Variants in IQCN observed in about 807,000 individuals in gnomAD.
IQCN encodes IQ motif containing N.
IQCN carries 46 observed loss-of-function variants against 64.4 expected under a neutral mutation model. That is an observed-to-expected ratio of 0.71 (90% confidence interval 0.56 to 0.91). The LOEUF (loss-of-function observed/expected upper bound fraction) is 0.91. IQCN is among the 40% of genes least tolerant of loss of function. The pLI, the probability that IQCN is intolerant of heterozygous loss-of-function variation, is 0.00. For synonymous variants in IQCN, 733 were observed against 775.6 expected (o/e 0.95, Z 0.91); for missense variants, 1,753 against 1,857.4 (o/e 0.94, Z 1.03).
At chr19:18,258,349 G>T in intron 3 of IQCN, 1 of 693,434 alleles carries the variant, frequency 1.4e-6, no homozygotes, top group Admixed American at 2.0e-5. Context: ...CTGTGGGTGG[G>T]GTTTGCACCA....
rs751553397 is a variant in IQCN, at chr19:18,258,087, A to G, written c.3197T>C (p.Val1066Ala). The G allele has an allele frequency of 2.0e-5, 32 of 1,611,374 alleles. No individual in the cohort carries two copies. Among genetic ancestry groups the G allele is most frequent in the Non-Finnish European group, 2.5e-5 (30 of 1,179,984 alleles). The change falls in exon 4 of 4, where the codon GTG (valine) becomes GCG (alanine). Residue 1066 changes from valine to alanine, a missense_variant. By Grantham distance (64) the Val-to-Ala change is moderately conservative (BLOSUM62 0). Coordinates refer to ENST00000392413, the MANE Select transcript of IQCN (RefSeq NM_001145304.2). ...GCGGTTCCACGATTGGCCACCAACCACACCAGCGTCCGCGGGGCCCTGGAG... is the reference window on the plus strand; with the variant it reads ...GCGGTTCCACGATTGGCCACCAACCGCACCAGCGTCCGCGGGGCCCTGGAG... Reference protein sequence around the residue: ...QTSKGPADAGVVGGQSWNRAW... With the variant: ...QTSKGPADAGAVGGQSWNRAW...
At position 18,258,109 on chromosome 19, in the gene IQCN, G is replaced by A; in HGVS notation, c.3178-3C>T. The A allele has an allele frequency of 6.2e-7, 1 of 1,607,562 alleles. No homozygotes were observed. Among genetic ancestry groups the A allele is most frequent in the Non-Finnish European group, 8.5e-7 (1 of 1,179,974 alleles). On this transcript the variant is annotated splice_region_variant and splice_polypyrimidine_tract_variant and intron_variant, in intron 3 of 3. Coordinates refer to ENST00000392413, the MANE Select transcript of IQCN (RefSeq NM_001145304.2). ...ACCACACCAGCGTCCGCGGGGCCCT[G>A]GAGTATAGTGGAGTTCAGGGATGCC...
chr19:18,258,720 TG>T (rs1363350863), intron 3 of IQCN: 6 of 320,880 alleles, frequency 1.9e-5, no homozygotes, highest in African/African-American at 4.3e-5. Flanking sequence ...ACGGGCCAGC[TG>T]GGGTGATCCT....
chr19:18,267,652 C>T, intron 2 of IQCN, 126 bp from the exon 3 acceptor site: 1 of 1,215,638 alleles, frequency 8.2e-7, no homozygotes, highest in Non-Finnish European at 1.1e-6. Context: ...CTTCCGCCTC[C>T]CTTTTTCCAT....
Position 18,258,091 on chromosome 19 carries a change from C to G in IQCN, c.3193G>C (p.Gly1065Arg). Residue 1065 changes from glycine (G) to arginine (R), a missense_variant, in exon 4 of 4, where the codon GGT becomes CGT. Coordinates refer to ENST00000392413, the MANE Select transcript of IQCN (RefSeq NM_001145304.2). ...PQTSKGPADA[G>R]VVGGQSWNRA... ...TTCCACGATTGGCCACCAACCACAC[C>G]AGCGTCCGCGGGGCCCTGGAGTATA... The G allele has an allele frequency of 1.2e-6, 2 of 1,610,958 alleles. No homozygotes were observed. The highest frequency in any genetic ancestry group is 1.7e-5 in the Admixed American group (1 of 60,018).
Position 18,265,454 on chromosome 19 carries a change from G to A in IQCN, c.2086C>T (p.Leu696=). The A allele has an allele frequency of 6.2e-7, 1 of 1,614,010 alleles. No homozygotes were observed. The highest frequency in any genetic ancestry group is 8.5e-7 in the Non-Finnish European group (1 of 1,179,880). The change falls in exon 3 of 4, where the codon CTG becomes TTG. Residue 696 remains leucine (L), a synonymous_variant. Coordinates refer to ENST00000392413, the MANE Select transcript of IQCN (RefSeq NM_001145304.2). The surrounding 1 kb of genome is among the most constrained non-coding windows in gnomAD (Gnocchi z 4.7). ...GGGGTCTTGGTCAGCTCAGTGGGCA[G>A]ATGTCCCTGAGATGAGGCCTTGGTC... The part of the protein sequence containing the change: ...PLTKASSQGH[L]PTELTKTPSL...
Position 18,257,241 on chromosome 19 carries a change from G to T in IQCN, c.4043C>A (p.Ala1348Glu), listed in dbSNP as rs200583656. Residue 1348 changes from alanine (A) to glutamate (E), a missense_variant, in exon 4 of 4, where the codon GCG (alanine) becomes GAG (glutamate). Ala to Glu is a moderately radical substitution (Grantham distance 107). Transcript: ENST00000392413. The stretch of plus-strand genomic sequence containing the variant: ...CGAGGGGTCTGCTGGTCCCAAGAGC[G>T]CCTCTGTGTTCTTCAGACAGCTCCG... ...HTRSCLKNTEALLGPADPSAS... is the reference protein window; with the variant it reads ...HTRSCLKNTEELLGPADPSAS... The T allele has an allele frequency of 1.3e-5, 21 of 1,613,556 alleles. No individual in the cohort carries two copies. The East Asian group carries it at 2.7e-4, about 21-fold the overall frequency.
rs185412321 is a variant in IQCN, at chr19:18,266,015, G to A, written c.1525C>T (p.Arg509Cys). 8.7e-5 allele frequency: 141 copies of A among 1,614,126 alleles called. No homozygotes were observed. In the Middle Eastern group the frequency reaches 1.8e-3, roughly 21 times the overall value. The change falls in exon 3 of 4, where the codon CGC becomes TGC. Residue 509 changes from arginine to cysteine, a missense_variant. Transcript: ENST00000392413. This position sits in a 1 kb window ranked among gnomAD's most constrained non-coding sequence, Gnocchi z 4.3. ...GTCTTGAGGATGGTGGCCACCGAGC[G>A]TAACTGGGCTGGGGTCTTGGTTATC... ...AMITKTPAQL[R>C]SVATILKTLC...
intron 2 of IQCN, chr19:18,267,728 A>T: frequency 2.0e-6 from 1 of 490,832 alleles, no homozygotes; most frequent in East Asian, 3.2e-5. Context: ...CGGCCACTTC[A>T]TCTTGGCACA....
In IQCN at chr19:18,265,195, T is replaced by C. The variant is rs780667666; in HGVS notation, c.2345A>G (p.Asn782Ser). 9.3e-6 allele frequency: 15 copies of C among 1,610,824 alleles called. No individual in the cohort carries two copies. Among genetic ancestry groups the C allele is most frequent in the Non-Finnish European group, 1.3e-5 (15 of 1,179,926 alleles). ...QVLLTGSKVS[N>S]HACQRLGGLS... Reference sequence around the variant, plus strand: ...GCCACCGAGGCGCTGGCAGGCGTGGTTGGACACCTTGGACCCTGTTAGGAG... The same window carrying C: ...GCCACCGAGGCGCTGGCAGGCGTGGCTGGACACCTTGGACCCTGTTAGGAG... Residue 782 changes from asparagine (N) to serine (S), a missense_variant, in exon 3 of 4, where the codon AAC becomes AGC. Transcript: ENST00000392413. This position sits in a 1 kb window ranked among gnomAD's most constrained non-coding sequence, Gnocchi z 4.7.
At chr19:18,272,528 G>A (rs537174389) in intron 1 of IQCN, among the ~76,000 whole-genome samples, 4 of 152,176 alleles carry the variant, frequency 2.6e-5, no homozygotes, top group Middle Eastern at 3.2e-3. Flanking sequence ...TCCAGGGCTC[G>A]GGCAGGCTTC....
intron 1 of IQCN, among the ~76,000 whole-genome samples, chr19:18,271,212 G>A (rs1258488984): frequency 2.0e-5 from 3 of 148,512 alleles, no homozygotes; most frequent in East Asian, 2.0e-4. Context: ...GCTCACGCCT[G>A]TAATCCCAGT....
At position 18,266,677 on chromosome 19, in the gene IQCN, G is replaced by T. The variant is rs748678870; in HGVS notation, c.863C>A (p.Thr288Asn). Reference protein sequence around the residue: ...SVKTKRVSARTNKARAPETPL... With the variant: ...SVKTKRVSARNNKARAPETPL... The stretch of plus-strand genomic sequence containing the variant: ...TGTCTCCGGAGCCCTGGCTTTGTTG[G>T]TCCGGGCACTTACACGTTTGGTCTT... Residue 288 changes from threonine (T) to asparagine (N), a missense_variant, in exon 3 of 4, where the codon ACC (threonine) becomes AAC (asparagine). By Grantham distance (65) the Thr-to-Asn change is moderately conservative. Coordinates refer to ENST00000392413, the MANE Select transcript of IQCN (RefSeq NM_001145304.2). This position sits in a 1 kb window ranked among gnomAD's most constrained non-coding sequence, Gnocchi z 4.3. 1.2e-6 allele frequency: 2 copies of T among 1,614,118 alleles called. No individual in the cohort carries two copies. Among genetic ancestry groups the T allele is most frequent in the Admixed American group, 3.3e-5 (2 of 60,016 alleles).
In IQCN at chr19:18,265,615, T is replaced by A; in HGVS notation, c.1925A>T (p.Asp642Val). 6.2e-6 allele frequency: 10 copies of A among 1,613,966 alleles called. No homozygotes were observed. Among genetic ancestry groups the A allele is most frequent in the Non-Finnish European group, 8.5e-6 (10 of 1,179,982 alleles). The change falls in exon 3 of 4, where the codon GAC becomes GTC. Residue 642 changes from aspartate (D) to valine (V), a missense_variant. Physicochemically the swap from Asp to Val is radical, Grantham distance 152. Coordinates refer to ENST00000392413, the MANE Select transcript of IQCN (RefSeq NM_001145304.2). The surrounding 1 kb of genome is among the most constrained non-coding windows in gnomAD (Gnocchi z 4.7). The part of the protein sequence containing the change: ...PSWTKVAEEG[D>V]KPPHVYVPVD... ...AGGCACATACACGTGAGGTGGCTTGTCCCCTTCCTCAGCAACTTTTGTCCA... is the reference window on the plus strand; with the variant it reads ...AGGCACATACACGTGAGGTGGCTTGACCCCTTCCTCAGCAACTTTTGTCCA...
intron 2 of IQCN, among the ~76,000 whole-genome samples, chr19:18,269,027 G>A (rs1969674018): frequency 6.6e-6 from 1 of 151,872 alleles, no homozygotes; most frequent in Non-Finnish European, 1.5e-5. Context: ...CTAGTCGGGA[G>A]GCTGAGGCAG....
At chr19:18,259,685 G>A (rs570043067) in intron 3 of IQCN, 1 of 152,282 alleles carries the variant, frequency 6.6e-6, no homozygotes, top group Non-Finnish European at 1.5e-5. Context: ...AACTGGGTGG[G>A]ACCATGGATG....
At position 18,264,659 on chromosome 19, in the gene IQCN, C is replaced by A. The variant is rs1394167823; in HGVS notation, c.2881G>T (p.Ala961Ser). The A allele has an allele frequency of 7.7e-6, 12 of 1,551,246 alleles. No individual in the cohort carries two copies. The Admixed American group carries it at 2.4e-4, about 30-fold the overall frequency. The change falls in exon 3 of 4, where the codon GCG (alanine) becomes TCG (serine). Residue 961 changes from alanine (A) to serine (S), a missense_variant. Coordinates refer to ENST00000392413, the MANE Select transcript of IQCN (RefSeq NM_001145304.2). This position sits in a 1 kb window ranked among gnomAD's most constrained non-coding sequence, Gnocchi z 4.3. The stretch of plus-strand genomic sequence containing the variant: ...CCCTGCATGACCTTGGTGAGTTCCG[C>A]CCGCAGCTCGCCCCGGGACAGGGCT... ...SRALSRGELR[A>S]ELTKVMQGKL...
chr19:18,266,916 G>C lies in IQCN; in HGVS notation c.624C>G (p.Ser208=), dbSNP rs901290239. ...DNLVLCRPQS[S]PLLQPPAAQG... is the part of the protein sequence containing the mutation. The stretch of plus-strand genomic sequence containing the variant: ...GAGCTGCTGGGGGCTGCAGGAGGGG[G>C]GACGACTGGGGTCTGCAGAGGACCA... The change falls in exon 3 of 4, where the codon TCC becomes TCG. Residue 208 remains serine, a synonymous_variant. Transcript: ENST00000392413. The surrounding 1 kb of genome is among the most constrained non-coding windows in gnomAD (Gnocchi z 4.3). The C allele has an allele frequency of 3.7e-6, 6 of 1,606,824 alleles. No individual in the cohort carries two copies. Among genetic ancestry groups the C allele is most frequent in the African/African-American group, 1.3e-5 (1 of 74,740 alleles).
chr19:18,262,883 C>G (rs80214027), intron 3 of IQCN, among the ~76,000 whole-genome samples: 1,732 of 152,276 alleles, frequency 0.011, 37 homozygotes, highest in African/African-American at 0.039. Context: ...TACCTAAAGA[C>G]AGAGTCCTCC....
Sources: gnomAD v4.1 joint callset for allele counts (sites outside exome capture counted in the v4.1 genomes callset) on GRCh38, gnomAD v4.1.1 for gene constraint, Gnocchi (gnomAD v3.1) non-coding constraint, MANE v1.5 for transcripts, NCBI Gene and HGNC (gene_info 2026-07-23, HGNC 2026-07-21) for gene names.